ALDH1A2: variants seen among roughly 807,000 people sequenced by gnomAD.
ALDH1A2 encodes retinal dehydrogenase 2.
In ALDH1A2, 27 loss-of-function variants were observed where a neutral mutation model predicts 60.3. That is an observed-to-expected ratio of 0.45 (90% CI 0.33 to 0.62). The LOEUF (loss-of-function observed/expected upper bound fraction) is 0.62, where lower values mean the gene tolerates loss of function less well. Ranked by LOEUF, ALDH1A2 falls within the 20% of genes least tolerant of loss-of-function variation. The pLI, the probability that ALDH1A2 is intolerant of heterozygous loss-of-function variation, is 0.02. For missense variants in ALDH1A2, 581 were observed against 643.8 expected, an observed-to-expected ratio of 0.90 and a Z score of 1.06; for synonymous variants, 289 against 232.4, an observed-to-expected ratio of 1.24 and a Z score of -2.21.
At chr15:57,959,032 A>G (rs1893635430) in intron 12 of ALDH1A2, among the ~76,000 whole-genome samples, 2 of 152,202 alleles carry the variant, frequency 1.3e-5, no homozygotes, top group Admixed American at 1.3e-4. Flanking sequence ...TTTCTGGGCA[A>G]GGAGAACATT....
intron 1 of ALDH1A2, among the ~76,000 whole-genome samples, chr15:58,041,314 C>T (rs1247676847): frequency 6.6e-6 from 1 of 151,756 alleles, no homozygotes; most frequent in Non-Finnish European, 1.5e-5. Context: ...GGAGTGAAAA[C>T]CTGTGGGGGA....
intron 9 of ALDH1A2, among the ~76,000 whole-genome samples, chr15:57,963,613 G>T (rs1416606850): frequency 6.6e-6 from 1 of 152,120 alleles, no homozygotes; most frequent in Non-Finnish European, 1.5e-5. Flanking sequence ...TAAAAGCTGA[G>T]ATTACAGGCG....
At chr15:58,032,957 G>A (rs1432827200) in intron 1 of ALDH1A2, among the ~76,000 whole-genome samples, 1 of 152,132 alleles carries the variant, frequency 6.6e-6, no homozygotes, top group East Asian at 1.9e-4. Context: ...TCATATGTGG[G>A]ATCTAAAAAA....
At chr15:57,972,724 C>A (rs1894112343) in intron 7 of ALDH1A2, among the ~76,000 whole-genome samples, 1 of 152,174 alleles carries the variant, frequency 6.6e-6, no homozygotes, top group Non-Finnish European at 1.5e-5. Context: ...ACCTACACAA[C>A]CAAAGGTTTT....
chr15:57,984,353 A>ATTGAT (rs1163078785), intron 7 of ALDH1A2, among the ~76,000 whole-genome samples: 1 of 152,212 alleles, frequency 6.6e-6, no homozygotes, highest in Non-Finnish European at 1.5e-5. Flanking sequence ...TGTAAAATTA[A>ATTGAT]TTGATTTTTC....
chr15:57,994,998 G>GTC, intron 5 of ALDH1A2, 80 bp downstream of exon 5: 1 of 1,330,876 alleles, frequency 7.5e-7, no homozygotes, highest in Non-Finnish European at 1.1e-6. Context: ...AACACACATC[G>GTC]CTGAGGACCA....
intron 4 of ALDH1A2, among the ~76,000 whole-genome samples, chr15:58,002,919 A>G (rs1895322507): frequency 1.3e-5 from 2 of 151,864 alleles, no homozygotes; most frequent in African/African-American, 4.8e-5. Context: ...CTCACCCAAC[A>G]TTTTATAACT....
At chr15:57,964,124 A>AT (rs1368090250) in intron 8 of ALDH1A2, 55 bp from the exon 9 acceptor site, 1 of 1,601,096 alleles carries the variant, frequency 6.2e-7, no homozygotes, top group Non-Finnish European at 8.5e-7. Context: ...GGGCCTGTCT[A>AT]TGAAGCCGCC....
rs114997951 is a variant in ALDH1A2 at position 58,058,083 on chromosome 15, T to A, written c.117+7451A>T. 518 of 1,534,098 alleles carry A rather than the reference T, an allele frequency of 3.4e-4. 1 individual carries two copies. The African/African-American group carries it at 4.1e-3, about 12-fold the overall frequency. The stretch of plus-strand genomic sequence containing the variant: ...TTCTTCATCTTCTCCCAAAAAGGAT[T>A]CTGCCAGCAAGTCCAATTTTCACAC... On this transcript the variant is annotated intron_variant, in intron 1 of 12. Coordinates refer to ENST00000249750, the MANE Select transcript of ALDH1A2 (RefSeq NM_003888.4).
intron 1 of ALDH1A2, among the ~76,000 whole-genome samples, chr15:58,040,906 G>C (rs1896505546): frequency 6.6e-6 from 1 of 151,838 alleles, no homozygotes; most frequent in African/African-American, 2.4e-5. Flanking sequence ...GATTAGGAAA[G>C]TCAGGCACAA....
At chr15:57,983,701 G>C (rs1297563072) in intron 7 of ALDH1A2, among the ~76,000 whole-genome samples, 2 of 152,090 alleles carry the variant, frequency 1.3e-5, no homozygotes, top group African/African-American at 4.8e-5. Context: ...ATGATGCAGA[G>C]AATTCTCTTC....
At chr15:57,955,907 C>T (rs1328600816) in intron 12 of ALDH1A2, among the ~76,000 whole-genome samples, 1 of 152,090 alleles carries the variant, frequency 6.6e-6, no homozygotes, top group Non-Finnish European at 1.5e-5. Flanking sequence ...TAATCTATTT[C>T]ATTATAAAAT....
intron 1 of ALDH1A2, chr15:58,038,475 A>T (rs1896432023): frequency 6.6e-6 from 1 of 151,786 alleles, no homozygotes; most frequent in Admixed American, 6.6e-5. Flanking sequence ...AGACTTGGCT[A>T]AAACAGACCC....
intron 1 of ALDH1A2, among the ~76,000 whole-genome samples, chr15:58,026,881 G>T (rs766437506): frequency 2.0e-5 from 3 of 152,218 alleles, no homozygotes; most frequent in East Asian, 3.9e-4. Flanking sequence ...ATTGAACTGG[G>T]TGGAGCCCAC....
chr15:57,962,250 C>A lies in ALDH1A2; in HGVS notation c.1087-74G>T. On this transcript the variant is annotated intron_variant, in intron 9 of 12. Coordinates refer to ENST00000249750, the MANE Select transcript of ALDH1A2 (RefSeq NM_003888.4). ...TGGAAATAAGTATGTTCTTGAGAAT[C>A]TTTCATTTTAGGGTTTTTTTCAAAG... The A allele has an allele frequency of 6.4e-6, 10 of 1,564,588 alleles. 1 individual carries two copies. The highest frequency in any genetic ancestry group is 8.8e-6 in the Non-Finnish European group (10 of 1,138,912).
chr15:58,030,750 G>T (rs139923313), intron 1 of ALDH1A2, among the ~76,000 whole-genome samples: 7 of 152,094 alleles, frequency 4.6e-5, no homozygotes, highest in African/African-American at 7.2e-5. Context: ...AACGGACAGA[G>T]AGCCAAATCA....
At chr15:58,003,235 A>G (rs1420843929) in intron 4 of ALDH1A2, among the ~76,000 whole-genome samples, 3 of 151,810 alleles carry the variant, frequency 2.0e-5, no homozygotes, top group Non-Finnish European at 4.4e-5. Context: ...ACCTCCTGTC[A>G]CAATCAATTC....
At chr15:58,053,070 G>GCAGC (rs1896814397) in intron 1 of ALDH1A2, among the ~76,000 whole-genome samples, 1 of 152,072 alleles carries the variant, frequency 6.6e-6, no homozygotes, top group African/African-American at 2.4e-5. Flanking sequence ...CTGTGTCAAG[G>GCAGC]CAGCCATGAT....
intron 1 of ALDH1A2, chr15:58,014,559 T>C: frequency 4.0e-6 from 2 of 495,520 alleles, no homozygotes; most frequent in South Asian, 3.1e-5. Flanking sequence ...CTCACATACA[T>C]ACAATCATAC....
Sources: allele counts gnomAD v4.1 joint callset (sites outside exome capture counted in the v4.1 genomes callset), GRCh38; gene constraint gnomAD v4.1.1; transcripts MANE v1.5; gene names NCBI Gene and HGNC (gene_info 2026-07-23, HGNC 2026-07-21).